The following UTP14A variants were observed in gnomAD, a reference collection of about 807,000 sequenced individuals.
The protein encoded by UTP14A is UTP14A small subunit processome component.
UTP14A carries 5 observed loss-of-function variants against 57.2 expected under a neutral mutation model. That is an observed-to-expected ratio of 0.09 (90% CI 0.05 to 0.18). UTP14A has a LOEUF of 0.18. Among genes scored for constraint, UTP14A ranks in the 10% least tolerant of loss-of-function variants. The pLI is 1.00. For synonymous variants in UTP14A, 169 were observed against 210.9 expected, an observed-to-expected ratio of 0.80 and a Z score of 1.72; for missense variants, 430 against 562.1, an observed-to-expected ratio of 0.76 and a Z score of 2.38.
chrX:129,921,393 A>C lies in UTP14A; in HGVS notation c.1154A>C (p.Lys385Thr). Reference sequence around the variant, plus strand: ...CTCAGGAGCTGCACCAGTGACACCAAAGAGGCTGCAACCCAGGAGGACCCT... The same window carrying C: ...CTCAGGAGCTGCACCAGTGACACCACAGAGGCTGCAACCCAGGAGGACCCT... ...WMLRSCTSDTKEAATQEDPEQ... is the reference protein window; with the variant it reads ...WMLRSCTSDTTEAATQEDPEQ... Residue 385 changes from lysine (K) to threonine (T), a missense_variant, in exon 11 of 15, where the codon AAA (lysine) becomes ACA (threonine). Physicochemically the swap from Lys to Thr is moderately conservative, Grantham distance 78. Around this residue, in one of 4 missense-constraint regions of UTP14A, gnomAD observed 83 missense variants for 140.4 expected, o/e 0.59. Coordinates refer to ENST00000394422, the MANE Select transcript of UTP14A (RefSeq NM_006649.4). The C allele has an allele frequency of 3.3e-6, 4 of 1,211,830 alleles. No homozygotes were observed. The highest frequency in any genetic ancestry group is 4.5e-6 in the Non-Finnish European group (4 of 895,548).
At position 129,908,672 on chromosome X, in the gene UTP14A, G is replaced by A. The variant is rs143564742; in HGVS notation, c.176G>A (p.Arg59Gln). The A allele has an allele frequency of 7.4e-5, 89 of 1,208,631 alleles. No homozygotes were observed. The highest frequency in any genetic ancestry group is 8.9e-5 in the Non-Finnish European group (80 of 894,032). Residue 59 changes from arginine to glutamine, a missense_variant and splice_region_variant, in exon 4 of 15, where the codon CGG becomes CAG. Arg to Gln is a conservative substitution (Grantham distance 43). Transcript: ENST00000394422. ...AISSLDGKNR[R>Q]KLAERSEASL... ...TATATCGTTTTGCCTAATTTCAGGCGGAAATTGGCTGAGAGGTCTGAGGCT... is the reference window on the plus strand; with the variant it reads ...TATATCGTTTTGCCTAATTTCAGGCAGAAATTGGCTGAGAGGTCTGAGGCT...
intron 2 of UTP14A, 123 bp from the exon 3 acceptor site, chrX:129,907,937 C>T (rs974862223): frequency 1.6e-6 from 1 of 612,450 alleles, no homozygotes. Context: ...TCCTGGGCAA[C>T]AGAGCGAGAC....
At chrX:129,924,106 A>G (rs1163512872) in intron 11 of UTP14A, among the ~76,000 whole-genome samples, 1 of 108,905 alleles carries the variant, frequency 9.2e-6, no homozygotes, top group African/African-American at 3.4e-5. Flanking sequence ...ACAGATCCAC[A>G]CCGCCATGCC....
chrX:129,924,251 G>A (rs972709445), intron 11 of UTP14A, among the ~76,000 whole-genome samples: 7 of 105,592 alleles, frequency 6.6e-5, no homozygotes, highest in African/African-American at 2.4e-4. Flanking sequence ...GCATACAGGC[G>A]TGAGCCACCA....
chrX:129,919,301 GT>G lies in UTP14A; in HGVS notation c.657+8del. The G allele has an allele frequency of 8.3e-7, 1 of 1,211,711 alleles. No individual in the cohort carries two copies. Among genetic ancestry groups the G allele is most frequent in the Non-Finnish European group, 1.1e-6 (1 of 895,547 alleles). ...AGCCATGAGCCTAGAAGAGGTAAGT[GT>G]GTCATAGGCCCTTCAGCACACCCAG... is the stretch of plus-strand genomic sequence containing the variant. On this transcript the variant is annotated splice_region_variant and intron_variant, in intron 7 of 14. Coordinates refer to ENST00000394422, the MANE Select transcript of UTP14A (RefSeq NM_006649.4).
chrX:129,908,112 C>T lies in UTP14A; in HGVS notation c.155C>T (p.Ser52Phe). Residue 52 changes from serine (S) to phenylalanine (F), a missense_variant, in exon 3 of 15, where the codon TCC (serine) becomes TTC (phenylalanine). Physicochemically the swap from Ser to Phe is radical, Grantham distance 155. Transcript: ENST00000394422. ...KHQKLLEAIS[S>F]LDGKNRRKLA... ...CAAAAGCTTCTGGAAGCAATCAGTTCCCTTGATGGAAAGAATAGGTAACGT... is the reference window on the plus strand; with the variant it reads ...CAAAAGCTTCTGGAAGCAATCAGTTTCCTTGATGGAAAGAATAGGTAACGT... 1.7e-6 allele frequency: 2 copies of T among 1,207,093 alleles called. No individual in the cohort carries two copies. Among genetic ancestry groups the T allele is most frequent in the East Asian group, 3.0e-5 (1 of 33,685 alleles).
Position 129,919,436 on chromosome X carries a change from G to A in UTP14A, c.699G>A (p.Leu233=). 2 of 1,212,126 alleles carry A rather than the reference G, an allele frequency of 1.6e-6. No homozygotes were observed. The highest frequency in any genetic ancestry group is 2.2e-6 in the Non-Finnish European group (2 of 895,629). ...RRAELQRARA[L]QSYYEAKARR... ...CAGAGCTTCAGAGGGCTCGGGCTCT[G>A]CAGTCCTACTATGAGGCCAAGGCTC... The change falls in exon 8 of 15, where the codon CTG becomes CTA. Residue 233 remains leucine (L), a synonymous_variant. Coordinates refer to ENST00000394422, the MANE Select transcript of UTP14A (RefSeq NM_006649.4).
At position 129,926,161 on chromosome X, in the gene UTP14A, C is replaced by T. The variant is rs765047116; in HGVS notation, c.1943+49C>T. Reference sequence around the variant, plus strand: ...TCAAAAGGGCACCGGGTTCTCCCCTCGCCCTTCGGTGTCCTCCCTACCCTT... The same window carrying T: ...TCAAAAGGGCACCGGGTTCTCCCCTTGCCCTTCGGTGTCCTCCCTACCCTT... On this transcript the variant is annotated intron_variant, in intron 13 of 14. Transcript: ENST00000394422. 15 of 1,205,493 alleles carry T rather than the reference C, an allele frequency of 1.2e-5. No individual in the cohort carries two copies. The East Asian group carries it at 3.9e-4, about 31-fold the overall frequency.
rs754463052 is a variant in UTP14A, at chrX:129,906,951, C to T, written c.27-416C>T. 9.6e-4 allele frequency among the ~76,000 whole-genome samples: 107 copies of T among 111,066 alleles called. 1 individual carries two copies. Among genetic ancestry groups the T allele is most frequent in the South Asian group, 1.5e-3 (4 of 2,613 alleles). On this transcript the variant is annotated intron_variant, in intron 1 of 14. Coordinates refer to ENST00000394422, the MANE Select transcript of UTP14A (RefSeq NM_006649.4). Reference sequence around the variant, plus strand: ...AAATATTAATCGTGAAACTGCCTTGCCTCCAGGGCTAGCTAGCAACAGCGT... The same window carrying T: ...AAATATTAATCGTGAAACTGCCTTGTCTCCAGGGCTAGCTAGCAACAGCGT...
At chrX:129,914,468 T>C (rs1177282044) in intron 6 of UTP14A, among the ~76,000 whole-genome samples, 3 of 108,390 alleles carry the variant, frequency 2.8e-5, no homozygotes, top group Non-Finnish European at 5.7e-5. Context: ...TCTCAGCTGC[T>C]GAGGAGGCTG....
intron 1 of UTP14A, among the ~76,000 whole-genome samples, chrX:129,907,162 C>T (rs1253358341): frequency 9.0e-6 from 1 of 110,657 alleles, no homozygotes; most frequent in African/African-American, 3.3e-5. Flanking sequence ...AAGGCATTCA[C>T]GCTGCTTTAT....
At chrX:129,908,009 T>C in intron 2 of UTP14A, 51 bp from the exon 3 acceptor site, 2 of 1,022,079 alleles carry the variant, frequency 2.0e-6, no homozygotes, top group Non-Finnish European at 2.7e-6. Flanking sequence ...ATTTCCATGT[T>C]GTCTTTTCCC....
At chrX:129,915,118 G>A (rs1286734991) in intron 6 of UTP14A, among the ~76,000 whole-genome samples, 2 of 112,255 alleles carry the variant, frequency 1.8e-5, no homozygotes, top group African/African-American at 6.5e-5. Flanking sequence ...AAGAGGCTGA[G>A]GCACCAGAAT....
intron 11 of UTP14A, among the ~76,000 whole-genome samples, chrX:129,923,838 G>T (rs1413629657): frequency 2.7e-5 from 3 of 111,273 alleles, no homozygotes; most frequent in Non-Finnish European, 5.7e-5. Flanking sequence ...TTAAAATTTG[G>T]AACTTGGGGC....
At chrX:129,910,965 G>A in intron 4 of UTP14A, 43 bp from the exon 5 acceptor site, 1 of 1,199,885 alleles carries the variant, frequency 8.3e-7, no homozygotes, top group Middle Eastern at 2.5e-4. Context: ...TTGAGATCTT[G>A]TCTCACTTCT....
intron 6 of UTP14A, among the ~76,000 whole-genome samples, chrX:129,918,605 C>A (rs750382806): frequency 9.0e-6 from 1 of 110,629 alleles, no homozygotes; most frequent in South Asian, 3.8e-4. Flanking sequence ...TGGGCCGGCG[C>A]GGTGGCTCAC....
chrX:129,918,899 CAT>C (rs1298853509), intron 6 of UTP14A, among the ~76,000 whole-genome samples: 4 of 109,374 alleles, frequency 3.7e-5, no homozygotes, highest in African/African-American at 6.7e-5. Flanking sequence ...AAAAAAAAAA[CAT>C]ATATTGGTAA....
chrX:129,928,781 A>G (rs939242968), intron 14 of UTP14A, among the ~76,000 whole-genome samples: 3 of 109,750 alleles, frequency 2.7e-5, no homozygotes, highest in Non-Finnish European at 5.7e-5. Flanking sequence ...TATCAATCCT[A>G]AGAGAGGGAA....
chrX:129,921,389 A>C lies in UTP14A; in HGVS notation c.1150A>C (p.Thr384Pro). Reference sequence around the variant, plus strand: ...GATGCTCAGGAGCTGCACCAGTGACACCAAAGAGGCTGCAACCCAGGAGGA... The same window carrying C: ...GATGCTCAGGAGCTGCACCAGTGACCCCAAAGAGGCTGCAACCCAGGAGGA... ...PWMLRSCTSD[T>P]KEAATQEDPE... Residue 384 changes from threonine (T) to proline (P), a missense_variant, in exon 11 of 15, where the codon ACC becomes CCC. This residue lies in a region of UTP14A where 83 missense variants were observed against 140.4 expected (regional missense o/e 0.59). Transcript: ENST00000394422. The C allele has an allele frequency of 8.3e-7, 1 of 1,211,932 alleles. No individual in the cohort carries two copies. The highest frequency in any genetic ancestry group is 1.1e-6 in the Non-Finnish European group (1 of 895,572).
Sources: gnomAD v4.1 joint callset for allele counts (sites outside exome capture counted in the v4.1 genomes callset) on GRCh38, gnomAD v4.1.1 for gene constraint, gnomAD v4.1.1 regional missense constraint, MANE v1.5 for transcripts, NCBI Gene and HGNC (gene_info 2026-07-23, HGNC 2026-07-21) for gene names.